MED14: variants seen among roughly 807,000 people sequenced by gnomAD.
The protein encoded by MED14 is mediator of RNA polymerase II transcription subunit 14.
MED14 carries 8 observed loss-of-function variants against 109.0 expected under a neutral mutation model. That is an observed-to-expected ratio of 0.07 (90% CI 0.04 to 0.13). The LOEUF is 0.13. MED14 is among the 10% of genes least tolerant of loss of function. The pLI, the probability that MED14 is intolerant of heterozygous loss-of-function variation, is 1.00. For synonymous variants in MED14, 399 were observed against 408.7 expected (o/e 0.98, Z 0.29); for missense variants, 711 against 1,142.4 (o/e 0.62, Z 5.44).
Position 40,675,342 on chromosome X carries a change from A to C in MED14, c.2900T>G (p.Val967Gly). ...TCTTCGAGCATCCTGATTGCTGTCA[A>C]CAAACATATTCAGGAACGTCTACGG... ...PGLKTFLNMF[V>G]DSNQDARRRS... is the part of the protein sequence containing the mutation. Residue 967 changes from valine (V) to glycine (G), a missense_variant, in exon 22 of 31, where the codon GTT becomes GGT. Around this residue, in one of 8 missense-constraint regions of MED14, gnomAD observed 100 missense variants for 147.5 expected, o/e 0.68. Coordinates refer to ENST00000324817, the MANE Select transcript of MED14 (RefSeq NM_004229.4). The C allele has an allele frequency of 2.5e-6, 3 of 1,193,606 alleles. No homozygotes were observed. The highest frequency in any genetic ancestry group is 3.4e-6 in the Non-Finnish European group (3 of 887,698).
intron 16 of MED14, among the ~76,000 whole-genome samples, chrX:40,687,096 T>C (rs1930322703): frequency 9.0e-6 from 1 of 111,513 alleles, no homozygotes; most frequent in Non-Finnish European, 1.9e-5. Flanking sequence ...TACCTGAGCT[T>C]GAAACACATC....
chrX:40,664,006 C>T (rs1468385413), intron 25 of MED14, among the ~76,000 whole-genome samples: 3 of 110,653 alleles, frequency 2.7e-5, no homozygotes, highest in Non-Finnish European at 5.7e-5. Context: ...GTTTCAGCCC[C>T]ACCCCCAAAG....
At chrX:40,703,282 C>T (rs781299009) in intron 11 of MED14, among the ~76,000 whole-genome samples, 162 bp downstream of exon 11, 7 of 112,553 alleles carry the variant, frequency 6.2e-5, no homozygotes, top group East Asian at 2.7e-4. Flanking sequence ...GTAGTTAAAA[C>T]GGCCCCGAGG....
intron 13 of MED14, among the ~76,000 whole-genome samples, chrX:40,695,261 A>G (rs1930683501): frequency 8.9e-6 from 1 of 112,179 alleles, no homozygotes; most frequent in African/African-American, 3.2e-5. Flanking sequence ...ATCAGAACTC[A>G]TGCTAAAAAG....
chrX:40,717,743 G>A (rs1267665661), intron 3 of MED14, among the ~76,000 whole-genome samples: 3 of 111,387 alleles, frequency 2.7e-5, no homozygotes, highest in Admixed American at 1.9e-4. Context: ...GGCTAGTCTC[G>A]AACTCCTGAC....
intron 8 of MED14, 86 bp from the exon 9 acceptor site, chrX:40,710,215 T>C: frequency 1.6e-6 from 1 of 615,869 alleles, no homozygotes; most frequent in Non-Finnish European, 2.4e-6. Context: ...TTGTGCAGTT[T>C]AGCCACAGCC....
At chrX:40,718,740 G>A (rs1211638199) in intron 3 of MED14, among the ~76,000 whole-genome samples, 1 of 111,345 alleles carries the variant, frequency 9.0e-6, no homozygotes. Context: ...CAGGGAGGCT[G>A]AGGTGGGAGG....
At chrX:40,680,511 C>T (rs765724294) in intron 20 of MED14, among the ~76,000 whole-genome samples, 1 of 111,378 alleles carries the variant, frequency 9.0e-6, no homozygotes, top group Non-Finnish European at 1.9e-5. Flanking sequence ...TTGACCTCCC[C>T]AGGCTCAGGT....
rs191681753 is a variant in MED14 at position 40,703,123 on chromosome X, T to C, written c.1411+321A>G. Among the ~76,000 whole-genome samples the C allele has an allele frequency of 4.2e-3, 476 of 112,309 alleles. 7 individuals are homozygous for C. The highest frequency in any genetic ancestry group is 0.014 in the African/African-American group (438 of 30,973). The stretch of plus-strand genomic sequence containing the variant: ...TTAGAATTCCTTATTGTGATTTCCA[T>C]GTCACCCAGTGGTAAAATAGAAACT... On this transcript the variant is annotated intron_variant, in intron 11 of 30. Transcript: ENST00000324817.
At chrX:40,730,427 G>T (rs961421468) in intron 1 of MED14, among the ~76,000 whole-genome samples, 2 of 111,529 alleles carry the variant, frequency 1.8e-5, no homozygotes, top group Non-Finnish European at 3.8e-5. Flanking sequence ...AACCTCTTGA[G>T]AACACTCCTT....
intron 2 of MED14, among the ~76,000 whole-genome samples, chrX:40,728,715 T>A (rs898947557): frequency 1.8e-5 from 2 of 112,101 alleles, no homozygotes; most frequent in African/African-American, 6.5e-5. Flanking sequence ...AAGCTCCAAC[T>A]GAACCAAAAT....
intron 1 of MED14, among the ~76,000 whole-genome samples, chrX:40,733,162 T>C (rs1339463840): frequency 1.9e-5 from 2 of 107,743 alleles, no homozygotes; most frequent in African/African-American, 3.4e-5. Flanking sequence ...TGGAGTGCAG[T>C]GGTGCGAACA....
chrX:40,728,289 CTAGG>C (rs1270110845), intron 2 of MED14, among the ~76,000 whole-genome samples: 1 of 111,553 alleles, frequency 9.0e-6, no homozygotes, highest in African/African-American at 3.3e-5. Flanking sequence ...GTCTCAAGTG[CTAGG>C]CAACATGAGT....
At chrX:40,714,419 C>T (rs1931444162) in intron 4 of MED14, 118 bp downstream of exon 4, 8 of 782,782 alleles carry the variant, frequency 1.0e-5, no homozygotes, top group Non-Finnish European at 1.4e-5. Context: ...AGAAAAAAAG[C>T]AAACTATATG....
chrX:40,666,846 G>C lies in MED14; in HGVS notation c.3139C>G (p.Leu1047Val), dbSNP rs772014642. 8.6e-7 allele frequency: 1 copy of C among 1,163,842 alleles called. No homozygotes were observed. Among genetic ancestry groups the C allele is most frequent in the Non-Finnish European group, 1.1e-6 (1 of 872,246 alleles). ...CCACTGGGGGAGCTGGCAGCATGCA[G>C]ATTTCCTAATAAAGGAAAATAATTA... ...SMMHTQSPGN[L>V]HAASSPSGAL... The change falls in exon 24 of 31, where the codon CTG becomes GTG. Residue 1047 changes from leucine (L) to valine (V), a missense_variant. This residue lies in a region of MED14 where 100 missense variants were observed against 147.5 expected (regional missense o/e 0.68). Transcript: ENST00000324817.
Position 40,679,850 on chromosome X carries a change from C to T in MED14, c.2880+14G>A, listed in dbSNP as rs199892261. The T allele has an allele frequency of 8.3e-7, 1 of 1,205,605 alleles. No individual in the cohort carries two copies. Among genetic ancestry groups the T allele is most frequent in the African/African-American group, 1.7e-5 (1 of 57,160 alleles). ...TTTTATGTTTACTCATGTTATAACACTAAAGTCTGTTACCTTTAGTCCTGG... is the reference window on the plus strand; with the variant it reads ...TTTTATGTTTACTCATGTTATAACATTAAAGTCTGTTACCTTTAGTCCTGG... On this transcript the variant is annotated intron_variant, in intron 21 of 30. Transcript: ENST00000324817.
chrX:40,661,895 A>T (rs1012280224), intron 26 of MED14, among the ~76,000 whole-genome samples: 3 of 110,312 alleles, frequency 2.7e-5, no homozygotes, highest in African/African-American at 9.9e-5. Flanking sequence ...ACACAGTCTC[A>T]CTCTGTTGCC....
chrX:40,668,894 T>C (rs1929623395), intron 23 of MED14, among the ~76,000 whole-genome samples: 1 of 112,039 alleles, frequency 8.9e-6, no homozygotes, highest in Non-Finnish European at 1.9e-5. Flanking sequence ...GGTCCTCAGT[T>C]GACCTCAGGC....
intron 3 of MED14, among the ~76,000 whole-genome samples, chrX:40,720,618 A>T (rs1238070700): frequency 9.0e-6 from 1 of 111,460 alleles, no homozygotes; most frequent in African/African-American, 3.3e-5. Flanking sequence ...GGCTGGACTC[A>T]GAGCCAGAGG....
Sources: gnomAD v4.1 joint callset for allele counts (sites outside exome capture counted in the v4.1 genomes callset) on GRCh38, gnomAD v4.1.1 for gene constraint, gnomAD v4.1.1 regional missense constraint, MANE v1.5 for transcripts, NCBI Gene and HGNC (gene_info 2026-07-23, HGNC 2026-07-21) for gene names.